The following SETBP1 variants were observed in gnomAD, a reference collection of about 807,000 sequenced individuals.
SETBP1 encodes the protein SET binding protein 1, also known as SET-binding protein.
In SETBP1, 9 loss-of-function variants were observed where a neutral mutation model predicts 101.0. The ratio of observed to expected loss-of-function variants is 0.09; its 90% confidence interval spans 0.05 to 0.16. The LOEUF (loss-of-function observed/expected upper bound fraction) is 0.16. SETBP1 is among the 10% of genes least tolerant of loss of function. The pLI is 1.00. For missense variants in SETBP1, 1,858 were observed against 2,033.8 expected (o/e 0.91, Z 1.66); for synonymous variants, 818 against 788.5 (o/e 1.04, Z -0.63).
chr18:44,852,248 C>A (rs1052154812), intron 2 of SETBP1, among the ~76,000 whole-genome samples: 2 of 152,176 alleles, frequency 1.3e-5, no homozygotes, highest in African/African-American at 4.8e-5. Context: ...TGATCAGAGA[C>A]ACAGAGGAAA....
intron 2 of SETBP1, among the ~76,000 whole-genome samples, chr18:44,865,274 T>C (rs1599244303): frequency 1.3e-5 from 2 of 152,208 alleles, no homozygotes; most frequent in South Asian, 2.1e-4. Context: ...CAAACATTGG[T>C]TTTCAACTGA....
chr18:45,036,248 G>A (rs1349857174), intron 4 of SETBP1, among the ~76,000 whole-genome samples: 6 of 151,020 alleles, frequency 4.0e-5, no homozygotes, highest in East Asian at 2.0e-4. Context: ...CAGGAGAATC[G>A]CTTGAACCCA....
chr18:44,885,477 C>A (rs1014434824), intron 3 of SETBP1, among the ~76,000 whole-genome samples: 5 of 152,038 alleles, frequency 3.3e-5, no homozygotes, highest in Non-Finnish European at 5.9e-5. Context: ...TTGGGAAGCA[C>A]ACTGTACCGC....
intron 3 of SETBP1, among the ~76,000 whole-genome samples, chr18:44,887,861 AC>A (rs915529239): frequency 1.3e-5 from 2 of 152,254 alleles, no homozygotes; most frequent in East Asian, 1.9e-4. Context: ...AGGTGGTCAA[AC>A]AAAGATCATG....
intron 2 of SETBP1, among the ~76,000 whole-genome samples, chr18:44,758,149 T>G (rs1041795725): frequency 4.6e-5 from 7 of 152,124 alleles, no homozygotes; most frequent in African/African-American, 1.7e-4. Context: ...AGGGAGAGGT[T>G]AGTCTGGACA....
intron 2 of SETBP1, among the ~76,000 whole-genome samples, chr18:44,823,467 C>A (rs770929019): frequency 6.6e-6 from 1 of 152,170 alleles, no homozygotes; most frequent in Non-Finnish European, 1.5e-5. Context: ...AAATAGGTGG[C>A]ATTTATTTCT....
intron 3 of SETBP1, among the ~76,000 whole-genome samples, chr18:44,884,842 A>C (rs1306638981): frequency 1.3e-5 from 2 of 152,122 alleles, no homozygotes; most frequent in African/African-American, 2.4e-5. Context: ...TCAGTTTGTC[A>C]TGAGTTCAGT....
At chr18:44,909,198 CTTCT>C (rs2070246039) in intron 3 of SETBP1, among the ~76,000 whole-genome samples, 1 of 152,216 alleles carries the variant, frequency 6.6e-6, no homozygotes, top group Non-Finnish European at 1.5e-5. Context: ...AAATGGGGAA[CTTCT>C]TTAACTGCTG....
intron 2 of SETBP1, among the ~76,000 whole-genome samples, chr18:44,821,031 G>A (rs1285635499): frequency 6.6e-6 from 1 of 152,158 alleles, no homozygotes; most frequent in East Asian, 1.9e-4. Flanking sequence ...GATATCCAAA[G>A]AAATATATTG....
chr18:44,890,365 G>A (rs1471135548), intron 3 of SETBP1, among the ~76,000 whole-genome samples: 1 of 152,090 alleles, frequency 6.6e-6, no homozygotes, highest in Non-Finnish European at 1.5e-5. Flanking sequence ...GGGGCTGTTA[G>A]TTCTGTATAA....
At chr18:44,860,378 C>T (rs1441738882) in intron 2 of SETBP1, among the ~76,000 whole-genome samples, 1 of 152,210 alleles carries the variant, frequency 6.6e-6, no homozygotes, top group Non-Finnish European at 1.5e-5. Flanking sequence ...TTAGCTCTTT[C>T]CTCTTTTCTT....
At chr18:44,816,194 CT>C (rs1030397397) in intron 2 of SETBP1, among the ~76,000 whole-genome samples, 12 of 152,212 alleles carry the variant, frequency 7.9e-5, no homozygotes, top group African/African-American at 2.9e-4. Context: ...TTCCACAAGC[CT>C]TTTTCATTCT....
intron 4 of SETBP1, among the ~76,000 whole-genome samples, chr18:44,959,010 C>T (rs762814635): frequency 6.6e-5 from 10 of 152,182 alleles, no homozygotes; most frequent in Non-Finnish European, 1.5e-4. Context: ...AGCTGAGACT[C>T]ACAGCATATC....
At chr18:44,768,278 T>C (rs1009576852) in intron 2 of SETBP1, among the ~76,000 whole-genome samples, 31 of 152,332 alleles carry the variant, frequency 2.0e-4, no homozygotes, top group African/African-American at 7.5e-4. Flanking sequence ...TGCTTTTCAT[T>C]TATGTTACAT....
chr18:44,956,872 C>A (rs576738955), intron 4 of SETBP1, among the ~76,000 whole-genome samples: 3 of 152,194 alleles, frequency 2.0e-5, no homozygotes, highest in Non-Finnish European at 4.4e-5. Context: ...GTTGCATTGT[C>A]TTGTTAGCCC....
At chr18:44,680,841 G>C (rs1392381589), upstream of SETBP1, 1 of 149,542 alleles carries the variant, frequency 6.7e-6, no homozygotes, top group Non-Finnish European at 1.5e-5. Context: ...GGAGGGGGAG[G>C]GGGTAAGGAA....
chr18:44,748,157 T>C (rs1008204300), intron 2 of SETBP1, among the ~76,000 whole-genome samples: 15 of 150,648 alleles, frequency 1.0e-4, no homozygotes, highest in African/African-American at 3.7e-4. Flanking sequence ...GAGGGAAAGA[T>C]AGAAGAAAGG....
At chr18:44,989,575 C>G (rs528550967) in intron 4 of SETBP1, among the ~76,000 whole-genome samples, 1 of 152,020 alleles carries the variant, frequency 6.6e-6, no homozygotes, top group Non-Finnish European at 1.5e-5. Flanking sequence ...TGAAAGCCAT[C>G]AATCCTCAGA....
At chr18:44,980,849 A>G (rs1327354569) in intron 4 of SETBP1, among the ~76,000 whole-genome samples, 1 of 152,182 alleles carries the variant, frequency 6.6e-6, no homozygotes, top group Non-Finnish European at 1.5e-5. Flanking sequence ...CAGGTTTGAA[A>G]GCAAGAAATA....
Sources: gnomAD v4.1 joint callset for allele counts (sites outside exome capture counted in the v4.1 genomes callset) on GRCh38, gnomAD v4.1.1 for gene constraint, MANE v1.5 for transcripts, NCBI Gene and HGNC (gene_info 2026-07-23, HGNC 2026-07-21) for gene names.